The following BMP5 variants were observed in gnomAD, a reference collection of about 807,000 sequenced individuals.
BMP5 encodes the protein bone morphogenetic protein 5.
In BMP5, 23 loss-of-function variants were observed where a neutral mutation model predicts 46.6. The ratio of observed to expected loss-of-function variants is 0.49; its 90% CI spans 0.35 to 0.70. The LOEUF is 0.70. Among genes scored for constraint, BMP5 ranks in the 30% least tolerant of loss-of-function variants. The pLI, the probability that BMP5 is intolerant of heterozygous loss-of-function variation, is 0.00. For synonymous variants in BMP5, 204 were observed against 191.9 expected (o/e 1.06, Z -0.52); for missense variants, 545 against 565.6 (o/e 0.96, Z 0.37).
At chr6:55,818,237 A>G (rs1159917677) in intron 2 of BMP5, among the ~76,000 whole-genome samples, 1 of 149,766 alleles carries the variant, frequency 6.7e-6, no homozygotes, top group Non-Finnish European at 1.5e-5. Context: ...ATAGAGCAGC[A>G]TTAGTGTCTG....
chr6:55,822,074 T>G (rs1776422839), intron 1 of BMP5, among the ~76,000 whole-genome samples: 1 of 152,192 alleles, frequency 6.6e-6, no homozygotes, highest in Admixed American at 6.6e-5. Context: ...GTTCTCTTAT[T>G]ATCCTCATTT....
At position 55,755,416 on chromosome 6, in the gene BMP5, G is replaced by C. The variant is rs1240758014; in HGVS notation, c.*117C>G. ...ATACATGATATTGTACATAGGAAAA[G>C]AGTCAAAATGAGCCAGACTAATTTT... On this transcript the variant is annotated 3_prime_UTR_variant, in exon 7 of 7. Transcript: ENST00000370830. The C allele has an allele frequency of 3.2e-6, 3 of 930,576 alleles. No homozygotes were observed. Among genetic ancestry groups the C allele is most frequent in the Admixed American group, 2.2e-5 (1 of 46,288 alleles). 57.6% of individuals were successfully genotyped at this position (930,576 alleles called of 1,614,324 possible). A position where few individuals can be genotyped will look rare whatever the true frequency, so the allele number is the denominator to read the frequency against.
chr6:55,798,835 G>A (rs538085740), intron 2 of BMP5, among the ~76,000 whole-genome samples: 1 of 152,194 alleles, frequency 6.6e-6, no homozygotes, highest in African/African-American at 2.4e-5. Flanking sequence ...TTGCATGAGT[G>A]CCTTTTATTT....
intron 1 of BMP5, among the ~76,000 whole-genome samples, chr6:55,854,342 T>C (rs1356936438): frequency 6.6e-6 from 1 of 152,110 alleles, no homozygotes; most frequent in African/African-American, 2.4e-5. Context: ...ATGAAAACTA[T>C]TTCTTATATA....
chr6:55,872,303 G>A (rs868803611), intron 1 of BMP5, among the ~76,000 whole-genome samples: 1 of 151,502 alleles, frequency 6.6e-6, no homozygotes, highest in African/African-American at 2.4e-5. Flanking sequence ...AAATAAAGAA[G>A]AAACAACATA....
At position 55,821,015 on chromosome 6, in the gene BMP5, T is replaced by C. The variant is rs543379886; in HGVS notation, c.491-1168A>G. Among the ~76,000 whole-genome samples, 3 of 152,246 alleles carry C rather than the reference T, an allele frequency of 2.0e-5. No homozygotes were observed. The South Asian group carries it at 6.2e-4, about 32-fold the overall frequency. On this transcript the variant is annotated intron_variant, in intron 1 of 6. Coordinates refer to ENST00000370830, the MANE Select transcript of BMP5 (RefSeq NM_021073.4). ...AGTGGTATTAATTGATTCACAAAGC[T>C]CAAAAATTGGAAATCTTTAGAAGAT...
intron 1 of BMP5, among the ~76,000 whole-genome samples, chr6:55,864,442 G>T (rs539920482): frequency 6.6e-6 from 1 of 152,152 alleles, no homozygotes. Flanking sequence ...AATAAGTCCA[G>T]TCTCTCTTGT....
intron 2 of BMP5, among the ~76,000 whole-genome samples, chr6:55,812,817 T>C (rs967041771): frequency 3.9e-5 from 6 of 152,204 alleles, no homozygotes; most frequent in African/African-American, 1.4e-4. Flanking sequence ...GTTAAAACAA[T>C]TAATAGGATT....
At position 55,819,655 on chromosome 6, in the gene BMP5, C is replaced by T. The variant is rs887169845; in HGVS notation, c.683G>A (p.Arg228Lys). 1.9e-6 allele frequency: 3 copies of T among 1,600,796 alleles called. No individual in the cohort carries two copies. The Admixed American group carries it at 5.0e-5, about 27-fold the overall frequency. The change falls in exon 2 of 7, where the codon AGG becomes AAG. Residue 228 changes from arginine to lysine, a missense_variant and splice_region_variant. Coordinates refer to ENST00000370830, the MANE Select transcript of BMP5 (RefSeq NM_021073.4). ...AATAAGTTAAATAAAAAGATTATAC[C>T]TATTTGTGTATTCCTTGATGATTTG... ...IYQIIKEYTN[R>K]DADLFLLDTR...
intron 1 of BMP5, among the ~76,000 whole-genome samples, chr6:55,826,661 G>A (rs1034741160): frequency 6.7e-6 from 1 of 150,268 alleles, no homozygotes. Context: ...ACCAAGCATT[G>A]GTATGAAAAT....
chr6:55,862,269 A>T (rs1582129067), intron 1 of BMP5, among the ~76,000 whole-genome samples: 1 of 152,172 alleles, frequency 6.6e-6, no homozygotes, highest in Non-Finnish European at 1.5e-5. Flanking sequence ...AAGAGTAAGG[A>T]AGTCATAGAA....
chr6:55,782,476 T>C (rs1187696085), intron 3 of BMP5, among the ~76,000 whole-genome samples: 1 of 152,136 alleles, frequency 6.6e-6, no homozygotes, highest in African/African-American at 2.4e-5. Flanking sequence ...TACACCACCA[T>C]GATTCCTTGC....
At chr6:55,786,422 C>T (rs1295405669) in intron 3 of BMP5, among the ~76,000 whole-genome samples, 1 of 151,680 alleles carries the variant, frequency 6.6e-6, no homozygotes, top group Admixed American at 6.6e-5. Context: ...TCACATAGAG[C>T]TTATTCCTCA....
At chr6:55,813,726 G>T (rs769997281) in intron 2 of BMP5, among the ~76,000 whole-genome samples, 6 of 150,772 alleles carry the variant, frequency 4.0e-5, no homozygotes, top group Non-Finnish European at 8.8e-5. Context: ...GACGGAGCTT[G>T]CAGTGAGCAG....
chr6:55,851,368 G>T (rs907696296), intron 1 of BMP5, among the ~76,000 whole-genome samples: 2 of 152,100 alleles, frequency 1.3e-5, no homozygotes, highest in African/African-American at 4.8e-5. Context: ...AATACGCTAT[G>T]TATGTCACAG....
intron 3 of BMP5, among the ~76,000 whole-genome samples, chr6:55,793,861 C>A (rs1286291157): frequency 1.3e-5 from 2 of 152,032 alleles, no homozygotes; most frequent in African/African-American, 4.8e-5. Flanking sequence ...TTTAGTCGAG[C>A]TTTAAGACAT....
chr6:55,789,605 A>T (rs977710314), intron 3 of BMP5, among the ~76,000 whole-genome samples: 1 of 152,044 alleles, frequency 6.6e-6, no homozygotes. Flanking sequence ...GGAACTAGAA[A>T]TCTTACAATA....
chr6:55,873,651 C>T (rs939219171), intron 1 of BMP5, among the ~76,000 whole-genome samples: 2 of 151,766 alleles, frequency 1.3e-5, no homozygotes, highest in African/African-American at 2.4e-5. Flanking sequence ...TTGTGGTTTA[C>T]AGAAAATTTC....
intron 3 of BMP5, among the ~76,000 whole-genome samples, chr6:55,788,480 CA>C (rs1775500756): frequency 6.6e-6 from 1 of 151,798 alleles, no homozygotes; most frequent in Non-Finnish European, 1.5e-5. Context: ...TGTGGACTAT[CA>C]CTTGTGAATT....
Sources: gnomAD v4.1 joint callset for allele counts (sites outside exome capture counted in the v4.1 genomes callset) on GRCh38, gnomAD v4.1.1 for gene constraint, MANE v1.5 for transcripts, NCBI Gene and HGNC (gene_info 2026-07-23, HGNC 2026-07-21) for gene names.